GRM7: variants seen among roughly 807,000 people sequenced by gnomAD.
GRM7 encodes metabotropic glutamate receptor 7.
GRM7 carries 35 observed loss-of-function variants against 84.5 expected under a neutral mutation model. The ratio of observed to expected loss-of-function variants is 0.41; its 90% CI spans 0.32 to 0.55. GRM7 has a LOEUF of 0.55. Among genes scored for constraint, GRM7 ranks in the 20% least tolerant of loss-of-function variants. The pLI is 0.19. For missense variants in GRM7, 1,003 were observed against 1,194.6 expected (o/e 0.84, Z 2.36); for synonymous variants, 487 against 455.1 (o/e 1.07, Z -0.89).
intron 2 of GRM7, among the ~76,000 whole-genome samples, chr3:7,171,692 A>C (rs1404761757): frequency 6.6e-6 from 1 of 152,182 alleles, no homozygotes; most frequent in Non-Finnish European, 1.5e-5. Context: ...ACCGTCCTAC[A>C]CACCTGCCTA....
At chr3:7,304,845 C>G (rs939589545) in intron 3 of GRM7, among the ~76,000 whole-genome samples, 1 of 151,810 alleles carries the variant, frequency 6.6e-6, no homozygotes, top group African/African-American at 2.4e-5. Flanking sequence ...TGCTCCACCT[C>G]ACACATTTCC....
chr3:7,441,238 G>A (rs553523065), intron 5 of GRM7, among the ~76,000 whole-genome samples: 2 of 152,242 alleles, frequency 1.3e-5, no homozygotes, highest in East Asian at 1.9e-4. Flanking sequence ...CTAATGATTA[G>A]TGATGTTGAG....
At chr3:7,108,480 C>T (rs1417037439) in intron 1 of GRM7, among the ~76,000 whole-genome samples, 1 of 147,614 alleles carries the variant, frequency 6.8e-6, no homozygotes, top group Non-Finnish European at 1.5e-5. Context: ...TTTACAGTAC[C>T]TTGGACTCAA....
At chr3:7,019,152 T>G (rs1345966450) in intron 1 of GRM7, among the ~76,000 whole-genome samples, 1 of 152,238 alleles carries the variant, frequency 6.6e-6, no homozygotes, top group Admixed American at 6.5e-5. Flanking sequence ...GTATAGTTTC[T>G]GTATTGCATG....
intron 1 of GRM7, among the ~76,000 whole-genome samples, chr3:6,982,858 C>T (rs1694260322): frequency 6.6e-6 from 1 of 152,068 alleles, no homozygotes. Flanking sequence ...AAAGATACAT[C>T]AGTTAGTTTA....
intron 4 of GRM7, among the ~76,000 whole-genome samples, chr3:7,375,852 C>G (rs1694328820): frequency 6.6e-6 from 1 of 152,190 alleles, no homozygotes; most frequent in Admixed American, 6.5e-5. Context: ...GAGTGAGTCT[C>G]CAGCCTCTCC....
At chr3:7,438,468 CAG>C (rs1697149510) in intron 5 of GRM7, among the ~76,000 whole-genome samples, 1 of 151,962 alleles carries the variant, frequency 6.6e-6, no homozygotes, top group African/African-American at 2.4e-5. Flanking sequence ...ATTACTTAAA[CAG>C]AATCTCACAA....
intron 1 of GRM7, among the ~76,000 whole-genome samples, chr3:7,083,370 A>G (rs1223041540): frequency 6.6e-6 from 1 of 152,174 alleles, no homozygotes; most frequent in South Asian, 2.1e-4. Context: ...TATGTATAGT[A>G]CTATTGCACA....
intron 6 of GRM7, 56 bp downstream of exon 6, chr3:7,452,863 A>T: frequency 2.8e-6 from 3 of 1,086,276 alleles, no homozygotes; most frequent in Non-Finnish European, 4.2e-6. Flanking sequence ...ATTCTGTTTC[A>T]TAAGTTTTAA....
chr3:7,247,080 T>G (rs1357812632), intron 2 of GRM7, among the ~76,000 whole-genome samples: 1 of 152,176 alleles, frequency 6.6e-6, no homozygotes, highest in Non-Finnish European at 1.5e-5. Context: ...CAATCTATAT[T>G]ACTTGAACAA....
intron 9 of GRM7, among the ~76,000 whole-genome samples, chr3:7,719,841 CA>C: frequency 6.9e-6 from 1 of 145,316 alleles, no homozygotes; most frequent in Admixed American, 7.0e-5. Flanking sequence ...TGATAACCTA[CA>C]AAAGGAGTTC....
chr3:7,573,687 G>A (rs765249447), intron 7 of GRM7, among the ~76,000 whole-genome samples: 3 of 152,178 alleles, frequency 2.0e-5, no homozygotes, highest in Admixed American at 2.0e-4. Context: ...ACTTTAGCTG[G>A]TGGTGCTTTT....
intron 7 of GRM7, among the ~76,000 whole-genome samples, chr3:7,468,726 A>G (rs1237845247): frequency 1.3e-5 from 2 of 152,130 alleles, no homozygotes; most frequent in African/African-American, 4.8e-5. Flanking sequence ...GGTTTCCCAC[A>G]TGCTGATCTC....
intron 4 of GRM7, among the ~76,000 whole-genome samples, chr3:7,356,326 G>C (rs532831352): frequency 2.0e-5 from 3 of 150,272 alleles, no homozygotes; most frequent in Non-Finnish European, 2.9e-5. Flanking sequence ...TTTTGAGACA[G>C]AGTCTCACTC....
intron 2 of GRM7, among the ~76,000 whole-genome samples, chr3:7,201,743 A>G (rs1170746804): frequency 6.6e-6 from 1 of 151,120 alleles, no homozygotes; most frequent in Non-Finnish European, 1.5e-5. Context: ...CCACATAGCT[A>G]GTTAATATCA....
chr3:7,634,864 A>G (rs1698017496), intron 8 of GRM7, among the ~76,000 whole-genome samples: 2 of 152,198 alleles, frequency 1.3e-5, no homozygotes, highest in Admixed American at 1.3e-4. Flanking sequence ...TACTTTGGCC[A>G]GATTTTGAAT....
chr3:7,317,503 T>G (rs1386421050), intron 4 of GRM7, among the ~76,000 whole-genome samples: 1 of 152,108 alleles, frequency 6.6e-6, no homozygotes, highest in Non-Finnish European at 1.5e-5. Flanking sequence ...TTTGCTATCT[T>G]AACAGCATGA....
intron 1 of GRM7, among the ~76,000 whole-genome samples, chr3:7,041,809 T>C (rs1488715630): frequency 1.3e-5 from 2 of 152,058 alleles, no homozygotes; most frequent in South Asian, 2.1e-4. Flanking sequence ...TGGGGGCTGA[T>C]CACCATGGAA....
intron 7 of GRM7, among the ~76,000 whole-genome samples, chr3:7,542,851 G>A (rs1006180471): frequency 5.9e-5 from 9 of 152,040 alleles, no homozygotes; most frequent in Non-Finnish European, 1.0e-4. Flanking sequence ...CAGCCCATGC[G>A]TAGCAATTTT....
Sources: gnomAD v4.1 joint callset for allele counts (sites outside exome capture counted in the v4.1 genomes callset) on GRCh38, gnomAD v4.1.1 for gene constraint, MANE v1.5 for transcripts, NCBI Gene and HGNC (gene_info 2026-07-23, HGNC 2026-07-21) for gene names.